C1QTNF2: variants seen among roughly 807,000 people sequenced by gnomAD.
The protein encoded by C1QTNF2 is complement C1q tumor necrosis factor-related protein 2.
C1QTNF2 carries 15 observed loss-of-function variants against 17.4 expected under a neutral mutation model. The observed-to-expected ratio is 0.86, with a 90% CI of 0.58 to 1.33. C1QTNF2 has a LOEUF of 1.33. Ranked by LOEUF, C1QTNF2 falls within the 40% of genes most tolerant of loss-of-function variation. The pLI is 0.00. For missense variants in C1QTNF2, 381 were observed against 392.3 expected (o/e 0.97, Z 0.24); for synonymous variants, 154 against 163.3 (o/e 0.94, Z 0.44).
At chr5:160,364,325 C>T (rs950817466) in intron 1 of C1QTNF2, among the ~76,000 whole-genome samples, 2 of 152,170 alleles carry the variant, frequency 1.3e-5, no homozygotes, top group Admixed American at 1.3e-4. Flanking sequence ...TTACACGTTA[C>T]TTAATCTCTC....
chr5:160,354,584 G>GAAA (rs200801719), intron 2 of C1QTNF2, among the ~76,000 whole-genome samples, 184 bp downstream of exon 2: 40 of 27,482 alleles, frequency 1.5e-3, no homozygotes, highest in African/African-American at 5.4e-3. Flanking sequence ...GTCTCAAGGG[G>GAAA]AAAAAAAAAA....
At chr5:160,365,793 T>A (rs1368833770) in intron 1 of C1QTNF2, among the ~76,000 whole-genome samples, 1 of 152,250 alleles carries the variant, frequency 6.6e-6, no homozygotes, top group South Asian at 2.1e-4. Context: ...GTGTGAAATC[T>A]GAAATAACCC....
chr5:160,363,909 C>G (rs1338928876), intron 1 of C1QTNF2, among the ~76,000 whole-genome samples: 1 of 152,182 alleles, frequency 6.6e-6, no homozygotes, highest in Non-Finnish European at 1.5e-5. Flanking sequence ...ATCCCCATAT[C>G]GCATCCTCAG....
chr5:160,353,823 A>G (rs1279062625), intron 2 of C1QTNF2, among the ~76,000 whole-genome samples: 2 of 64,666 alleles, frequency 3.1e-5, no homozygotes, highest in African/African-American at 6.3e-5. Flanking sequence ...TTTTTTTTTG[A>G]GACACTGTCC....
chr5:160,362,340 A>G (rs114892912), intron 1 of C1QTNF2, among the ~76,000 whole-genome samples: 516 of 152,246 alleles, frequency 3.4e-3, no homozygotes, highest in Non-Finnish European at 5.0e-3. Flanking sequence ...TTGGTGTAGA[A>G]ATGAGTGGCA....
intron 1 of C1QTNF2, 94 bp downstream of exon 1, chr5:160,370,418 G>A (rs890313257): frequency 2.2e-6 from 3 of 1,345,244 alleles, no homozygotes; most frequent in African/African-American, 1.5e-5. Context: ...CCCACCTTCC[G>A]CATCCCGCCC....
In C1QTNF2 at chr5:160,349,098, T is replaced by G; in HGVS notation, c.*70A>C. The G allele has an allele frequency of 2.0e-6, 3 of 1,523,192 alleles. No homozygotes were observed. Among genetic ancestry groups the G allele is most frequent in the Non-Finnish European group, 2.6e-6 (3 of 1,132,178 alleles). 94.4% of individuals were successfully genotyped at this position (1,523,192 alleles called of 1,614,324 possible). On this transcript the variant is annotated 3_prime_UTR_variant, in exon 3 of 3. Coordinates refer to ENST00000652664, the MANE Select transcript of C1QTNF2 (RefSeq NM_031908.6). This position sits in a 1 kb window ranked among gnomAD's most constrained non-coding sequence, Gnocchi z 4.3. Reference sequence around the variant, plus strand: ...TCGACCCCCCACCCCCAGCCTACAGTTGTGGGGTCTTGCTCTGTAAGCCCA... The same window carrying G: ...TCGACCCCCCACCCCCAGCCTACAGGTGTGGGGTCTTGCTCTGTAAGCCCA...
intron 1 of C1QTNF2, among the ~76,000 whole-genome samples, chr5:160,361,626 A>C (rs1159033467): frequency 3.3e-5 from 5 of 152,158 alleles, no homozygotes; most frequent in African/African-American, 9.7e-5. Context: ...TTGTGTGAGA[A>C]ATGAGTGAAG....
At chr5:160,369,618 G>A (rs1001978797) in intron 1 of C1QTNF2, among the ~76,000 whole-genome samples, 2 of 152,184 alleles carry the variant, frequency 1.3e-5, no homozygotes, top group Admixed American at 6.5e-5. Flanking sequence ...CTTCAGCATG[G>A]TGGAAACACA....
chr5:160,369,053 T>A (rs1265971206), intron 1 of C1QTNF2, among the ~76,000 whole-genome samples: 1 of 64,588 alleles, frequency 1.5e-5, no homozygotes, highest in Non-Finnish European at 3.3e-5. Context: ...ATGCTTCTCT[T>A]TGAGTTTAAA....
At chr5:160,353,232 T>C (rs1353332737) in intron 2 of C1QTNF2, among the ~76,000 whole-genome samples, 1 of 152,162 alleles carries the variant, frequency 6.6e-6, no homozygotes, top group Non-Finnish European at 1.5e-5. Context: ...AATATTAAAA[T>C]GCCATACAAA....
chr5:160,370,168 T>G (rs1764323984), intron 1 of C1QTNF2, among the ~76,000 whole-genome samples: 1 of 152,150 alleles, frequency 6.6e-6, no homozygotes, highest in African/African-American at 2.4e-5. Flanking sequence ...GGGGATAATC[T>G]GTTGTCATGA....
intron 1 of C1QTNF2, chr5:160,355,251 CG>C (rs1764027633): frequency 2.0e-6 from 2 of 984,924 alleles, no homozygotes; most frequent in Middle Eastern, 5.2e-4. Flanking sequence ...GAAGGGGTCT[CG>C]GGGGTGAGGC....
At chr5:160,353,081 G>A (rs1430270620) in intron 2 of C1QTNF2, among the ~76,000 whole-genome samples, 1 of 152,060 alleles carries the variant, frequency 6.6e-6, no homozygotes, top group African/African-American at 2.4e-5. Context: ...CAAAGTTCAC[G>A]TTCTTGCGAG....
At chr5:160,359,999 G>A (rs899819097) in intron 1 of C1QTNF2, among the ~76,000 whole-genome samples, 7 of 149,828 alleles carry the variant, frequency 4.7e-5, no homozygotes, top group African/African-American at 1.7e-4. Flanking sequence ...CAAGGCACCA[G>A]CCACTCCACC....
intron 2 of C1QTNF2, among the ~76,000 whole-genome samples, 176 bp downstream of exon 2, chr5:160,354,592 A>ATATATAT (rs1561822717): frequency 2.2e-5 from 1 of 46,470 alleles, no homozygotes; most frequent in African/African-American, 7.3e-5. Flanking sequence ...GGGAAAAAAA[A>ATATATAT]AAAAAGTATA....
intron 1 of C1QTNF2, among the ~76,000 whole-genome samples, chr5:160,355,728 G>A (rs9313847): frequency 0.4 from 61,457 of 152,112 alleles, 13,426 homozygotes; most frequent in Non-Finnish European, 0.49. Flanking sequence ...CCTGTGGGCC[G>A]CATGCACCCC....
intron 2 of C1QTNF2, among the ~76,000 whole-genome samples, chr5:160,350,750 ATTTT>A (rs1354840992): frequency 7.1e-6 from 1 of 140,254 alleles, no homozygotes; most frequent in Non-Finnish European, 1.6e-5. Flanking sequence ...CACAATGCCA[ATTTT>A]TTTTTTTTTT....
chr5:160,349,496 C>T lies in C1QTNF2; in HGVS notation c.530G>A (p.Gly177Asp), dbSNP rs757318511. Residue 177 changes from glycine to aspartate, a missense_variant, in exon 3 of 3, where the codon GGT (glycine) becomes GAT (aspartate). Gly to Asp is a moderately conservative substitution (Grantham distance 94). Coordinates refer to ENST00000652664, the MANE Select transcript of C1QTNF2 (RefSeq NM_031908.6). The surrounding 1 kb of genome is among the most constrained non-coding windows in gnomAD (Gnocchi z 4.3). ...GCCGCTGGAAGCATTGTAGTGGCCA[C>T]CCTCGTTCATCAGAATCTTGTCAAA... is the stretch of plus-strand genomic sequence containing the variant. ...IKFDKILMNE[G>D]GHYNASSGKF... 6.2e-7 allele frequency: 1 copy of T among 1,614,010 alleles called. No individual in the cohort carries two copies. The highest frequency in any genetic ancestry group is 8.5e-7 in the Non-Finnish European group (1 of 1,180,028).
Sources: allele counts gnomAD v4.1 joint callset (sites outside exome capture counted in the v4.1 genomes callset), GRCh38; gene constraint gnomAD v4.1.1; non-coding constraint Gnocchi (gnomAD v3.1); transcripts MANE v1.5; gene names NCBI Gene and HGNC (gene_info 2026-07-23, HGNC 2026-07-21).